The following GULP1 variants were observed in gnomAD, a reference collection of about 807,000 sequenced individuals.
GULP1 encodes the protein PTB domain-containing engulfment adapter protein 1.
GULP1 carries 19 observed loss-of-function variants against 40.9 expected under a neutral mutation model. The observed-to-expected ratio is 0.46, with a 90% confidence interval of 0.32 to 0.68. The LOEUF (loss-of-function observed/expected upper bound fraction) is 0.68. Among genes scored for constraint, GULP1 ranks in the 30% least tolerant of loss-of-function variants. The pLI, the probability that GULP1 is intolerant of heterozygous loss-of-function variation, is 0.03. For synonymous variants in GULP1, 119 were observed against 117.6 expected, an observed-to-expected ratio of 1.01 and a Z score of -0.08; for missense variants, 312 against 362.2, an observed-to-expected ratio of 0.86 and a Z score of 1.12.
rs190884406 is a variant in GULP1, at chr2:188,414,963, T to C, written c.-45+31074T>C. On this transcript the variant is annotated intron_variant, in intron 2 of 11. Coordinates refer to ENST00000409830, the MANE Select transcript of GULP1 (RefSeq NM_016315.4). ...TGCCTTTGTATGAAATGATAATTTATGGCCTTATGGAATAATGTTATATCA... is the reference window on the plus strand; with the variant it reads ...TGCCTTTGTATGAAATGATAATTTACGGCCTTATGGAATAATGTTATATCA... Among the ~76,000 whole-genome samples the C allele has an allele frequency of 4.1e-3, 631 of 152,284 alleles. 7 individuals carry two copies. The highest frequency in any genetic ancestry group is 0.015 in the African/African-American group (607 of 41,558).
chr2:188,299,365 G>A (rs529771869), intron 1 of GULP1, among the ~76,000 whole-genome samples: 1 of 152,168 alleles, frequency 6.6e-6, no homozygotes, highest in African/African-American at 2.4e-5. Context: ...GAACAGGGAA[G>A]CTCAATATAC....
intron 2 of GULP1, among the ~76,000 whole-genome samples, chr2:188,454,105 G>T (rs2059058938): frequency 6.6e-6 from 1 of 152,204 alleles, no homozygotes; most frequent in South Asian, 2.1e-4. Flanking sequence ...CAGCCTGCCT[G>T]TGTTATAGCT....
chr2:188,297,608 T>C (rs1212079183), intron 1 of GULP1: 3 of 423,502 alleles, frequency 7.1e-6, no homozygotes, highest in Non-Finnish European at 1.4e-5. Flanking sequence ...TCCTTATTTC[T>C]ATAAGAGAGG....
At chr2:188,365,134 A>C (rs2152401938) in intron 1 of GULP1, among the ~76,000 whole-genome samples, 1 of 152,298 alleles carries the variant, frequency 6.6e-6, no homozygotes, top group Non-Finnish European at 1.5e-5. Flanking sequence ...TCCCTGATGA[A>C]ACAAGTGGTG....
Position 188,584,857 on chromosome 2 carries a change from G to A in GULP1, c.748+454G>A, listed in dbSNP as rs1702037092. 2.0e-5 allele frequency among the ~76,000 whole-genome samples: 3 copies of A among 151,806 alleles called. No homozygotes were observed. In the South Asian group the frequency reaches 6.2e-4, roughly 32 times the overall value. On this transcript the variant is annotated intron_variant, in intron 10 of 11. Coordinates refer to ENST00000409830, the MANE Select transcript of GULP1 (RefSeq NM_016315.4). ...CATGATTTCTTAACCTTTTGTAAGGGTTCTTTCCTATCTAAAATGCTATAA... is the reference window on the plus strand; with the variant it reads ...CATGATTTCTTAACCTTTTGTAAGGATTCTTTCCTATCTAAAATGCTATAA...
rs554108900 is a variant in GULP1 at position 188,484,166 on chromosome 2, C to A, written c.90+674C>A. On this transcript the variant is annotated intron_variant, in intron 4 of 11. Transcript: ENST00000409830. ...CAAGTGGTCCACCTGCCTCAGCCCC[C>A]CAAAGTGCTGGGATTACAGGTAGAA... Among the ~76,000 whole-genome samples, 7 of 152,212 alleles carry A rather than the reference C, an allele frequency of 4.6e-5. No individual in the cohort carries two copies. The South Asian group carries it at 1.0e-3, about 23-fold the overall frequency.
At chr2:188,298,387 T>C (rs2035447563) in intron 1 of GULP1, among the ~76,000 whole-genome samples, 1 of 151,842 alleles carries the variant, frequency 6.6e-6, no homozygotes, top group Non-Finnish European at 1.5e-5. Context: ...TTATGGATTG[T>C]AGTATCTCAG....
At chr2:188,505,279 A>G (rs1196196091) in intron 4 of GULP1, among the ~76,000 whole-genome samples, 3 of 151,788 alleles carry the variant, frequency 2.0e-5, no homozygotes, top group Non-Finnish European at 2.9e-5. Context: ...AGCACCTGCT[A>G]TAACAGGTGA....
chr2:188,474,368 C>T (rs1275805910), intron 2 of GULP1, among the ~76,000 whole-genome samples: 4 of 152,150 alleles, frequency 2.6e-5, no homozygotes, highest in African/African-American at 7.2e-5. Context: ...AGCCCCAGAA[C>T]ACTTTAGCCC....
At chr2:188,490,038 G>T (rs1213804845) in intron 4 of GULP1, among the ~76,000 whole-genome samples, 2 of 152,010 alleles carry the variant, frequency 1.3e-5, no homozygotes, top group Non-Finnish European at 2.9e-5. Context: ...ATAGCTGCTA[G>T]AAATTATTGA....
intron 1 of GULP1, among the ~76,000 whole-genome samples, chr2:188,311,139 C>G (rs1480345524): frequency 6.6e-6 from 1 of 151,884 alleles, no homozygotes; most frequent in Non-Finnish European, 1.5e-5. Flanking sequence ...GCCTCCAACT[C>G]AAGGAATTAT....
At chr2:188,386,668 C>T (rs2049800839) in intron 2 of GULP1, among the ~76,000 whole-genome samples, 1 of 152,076 alleles carries the variant, frequency 6.6e-6, no homozygotes, top group East Asian at 1.9e-4. Context: ...ATCACTGGCT[C>T]AATGACTGTG....
intron 10 of GULP1, among the ~76,000 whole-genome samples, chr2:188,586,401 G>T (rs928597832): frequency 1.3e-5 from 2 of 152,050 alleles, no homozygotes; most frequent in African/African-American, 4.8e-5. Flanking sequence ...ACACCTACTA[G>T]GTGAAAAACA....
chr2:188,448,191 A>G (rs951468085), intron 2 of GULP1, among the ~76,000 whole-genome samples: 5 of 152,222 alleles, frequency 3.3e-5, no homozygotes, highest in Admixed American at 1.3e-4. Context: ...AAGTTTACAT[A>G]GATAATAGAC....
At chr2:188,499,382 C>T (rs2063216728) in intron 4 of GULP1, among the ~76,000 whole-genome samples, 1 of 151,198 alleles carries the variant, frequency 6.6e-6, no homozygotes, top group Admixed American at 6.6e-5. Flanking sequence ...GTGCATCCAC[C>T]TCATCCTGCC....
chr2:188,455,430 A>G (rs1359988938), intron 2 of GULP1, among the ~76,000 whole-genome samples: 1 of 152,068 alleles, frequency 6.6e-6, no homozygotes. Flanking sequence ...AGCTGTTCTC[A>G]TGATAGTGAA....
intron 2 of GULP1, among the ~76,000 whole-genome samples, chr2:188,399,960 T>C (rs975970761): frequency 6.6e-6 from 1 of 152,180 alleles, no homozygotes; most frequent in Non-Finnish European, 1.5e-5. Context: ...GTTTATAGTC[T>C]AGTGAAATAG....
rs1430253430 is a variant in GULP1, at chr2:188,442,386, T to C, written c.-44-35273T>C. ...ATTAATAGCCACATTCTGAGCAGTT[T>C]ACAAAATGAAGAGAGGGAATTTAAT... On this transcript the variant is annotated intron_variant, in intron 2 of 11. Transcript: ENST00000409830. 2.6e-5 allele frequency among the ~76,000 whole-genome samples: 4 copies of C among 152,336 alleles called. No individual in the cohort carries two copies. In the East Asian group the frequency reaches 7.7e-4, roughly 29 times the overall value.
At chr2:188,581,185 C>G (rs1327216342) in intron 9 of GULP1, among the ~76,000 whole-genome samples, 1 of 152,148 alleles carries the variant, frequency 6.6e-6, no homozygotes, top group Non-Finnish European at 1.5e-5. Context: ...CCACCTTATT[C>G]GAGGGTCTTG....
Sources: gnomAD v4.1 joint callset for allele counts (sites outside exome capture counted in the v4.1 genomes callset) on GRCh38, gnomAD v4.1.1 for gene constraint, MANE v1.5 for transcripts, NCBI Gene and HGNC (gene_info 2026-07-23, HGNC 2026-07-21) for gene names.